The following TNIK variants were observed in gnomAD, a reference collection of about 807,000 sequenced individuals.
TNIK encodes TRAF2 and NCK-interacting protein kinase.
Under a neutral mutation model 191.3 loss-of-function variants are expected in TNIK, and 49 were observed. The ratio of observed to expected loss-of-function variants is 0.26; its 90% CI spans 0.20 to 0.32. The LOEUF (loss-of-function observed/expected upper bound fraction) is 0.32. Ranked by LOEUF, TNIK falls within the 10% of genes least tolerant of loss-of-function variation. TNIK has a pLI of 1.00. For missense variants in TNIK, 1,155 were observed against 1,702.3 expected (o/e 0.68, Z 5.66); for synonymous variants, 594 against 600.9 (o/e 0.99, Z 0.17).
intron 2 of TNIK, among the ~76,000 whole-genome samples, chr3:171,323,340 A>T (rs1351917807): frequency 3.3e-5 from 5 of 152,204 alleles, no homozygotes; most frequent in Non-Finnish European, 2.9e-5. Context: ...ACATAACCCA[A>T]CACATAGGTA....
intron 10 of TNIK, among the ~76,000 whole-genome samples, chr3:171,164,655 TATA>T (rs1262438502): frequency 2.6e-5 from 4 of 152,230 alleles, no homozygotes; most frequent in Non-Finnish European, 5.9e-5. Flanking sequence ...ATATTCACCG[TATA>T]ATAAAATGTC....
chr3:171,180,511 T>C (rs1030097016), intron 7 of TNIK, among the ~76,000 whole-genome samples: 8 of 152,238 alleles, frequency 5.3e-5, no homozygotes, highest in African/African-American at 1.7e-4. Flanking sequence ...GTCTGATGTA[T>C]CCAAAGTACC....
chr3:171,273,065 G>A (rs549130432), intron 2 of TNIK, among the ~76,000 whole-genome samples: 20 of 152,186 alleles, frequency 1.3e-4, no homozygotes, highest in South Asian at 1.2e-3. Flanking sequence ...CCAGTGTGGC[G>A]CTCACACAAG....
At chr3:171,134,078 C>A (rs1247843375) in intron 15 of TNIK, among the ~76,000 whole-genome samples, 1 of 151,938 alleles carries the variant, frequency 6.6e-6, no homozygotes, top group African/African-American at 2.4e-5. Context: ...ACAGTTATTG[C>A]CAGGCCCAGA....
intron 18 of TNIK, among the ~76,000 whole-genome samples, chr3:171,115,167 A>AAAAT (rs1389990343): frequency 1.3e-5 from 2 of 152,264 alleles, no homozygotes; most frequent in Non-Finnish European, 2.9e-5. Context: ...GTATTACAAA[A>AAAAT]AAATAAATAA....
chr3:171,371,313 C>A (rs1716459221), intron 1 of TNIK, among the ~76,000 whole-genome samples: 1 of 152,186 alleles, frequency 6.6e-6, no homozygotes, highest in Admixed American at 6.5e-5. Flanking sequence ...AAAGTCCAAT[C>A]TGTGGTAAAT....
chr3:171,200,510 A>G (rs1739273325), intron 4 of TNIK, among the ~76,000 whole-genome samples: 1 of 151,814 alleles, frequency 6.6e-6, no homozygotes, highest in African/African-American at 2.4e-5. Flanking sequence ...TGTTTCTCGT[A>G]GGATGTTTTC....
intron 9 of TNIK, among the ~76,000 whole-genome samples, chr3:171,173,637 T>C (rs1735612062): frequency 6.6e-6 from 1 of 152,164 alleles, no homozygotes; most frequent in African/African-American, 2.4e-5. Flanking sequence ...AATACACATA[T>C]TTTTAAAACA....
chr3:171,253,201 G>A (rs1048410410), intron 2 of TNIK, among the ~76,000 whole-genome samples: 3 of 150,582 alleles, frequency 2.0e-5, no homozygotes, highest in Non-Finnish European at 3.0e-5. Context: ...GGAGAATGGC[G>A]TGAACCCAGG....
At chr3:171,158,899 G>T (rs1733588624) in intron 11 of TNIK, among the ~76,000 whole-genome samples, 1 of 152,162 alleles carries the variant, frequency 6.6e-6, no homozygotes, top group Non-Finnish European at 1.5e-5. Context: ...GGAAAAGCAG[G>T]TTTAGAGGCC....
At chr3:171,354,357 A>G (rs1049547949) in intron 2 of TNIK, among the ~76,000 whole-genome samples, 1 of 152,166 alleles carries the variant, frequency 6.6e-6, no homozygotes, top group African/African-American at 2.4e-5. Flanking sequence ...TCACACTGAA[A>G]TTAGAGCACC....
intron 4 of TNIK, among the ~76,000 whole-genome samples, chr3:171,203,127 T>G (rs1024599876): frequency 2.0e-5 from 3 of 152,200 alleles, no homozygotes; most frequent in African/African-American, 7.2e-5. Flanking sequence ...TGGTTAAATT[T>G]TTAATGGCAT....
At chr3:171,104,907 AAC>A (rs1266892681) in intron 21 of TNIK, among the ~76,000 whole-genome samples, 9 of 152,104 alleles carry the variant, frequency 5.9e-5, no homozygotes, top group African/African-American at 2.2e-4. Context: ...CAGCGGTAAA[AAC>A]AGTGTTTTCT....
chr3:171,241,412 A>C lies in TNIK; in HGVS notation c.124-13191T>G, dbSNP rs566537934. 6.6e-5 allele frequency among the ~76,000 whole-genome samples: 10 copies of C among 152,280 alleles called. No homozygotes were observed. The South Asian group carries it at 2.1e-3, about 32-fold the overall frequency. ...CAGACTTTAAAACTGAGGCTCAAAA[A>C]ACCCAAGATTTTTCCAGGTTGTATT... On this transcript the variant is annotated intron_variant, in intron 2 of 32. Coordinates refer to ENST00000436636, the MANE Select transcript of TNIK (RefSeq NM_015028.4).
chr3:171,235,954 C>T (rs896184570), intron 2 of TNIK, among the ~76,000 whole-genome samples: 2 of 152,074 alleles, frequency 1.3e-5, no homozygotes, highest in Non-Finnish European at 2.9e-5. Context: ...CTTAAAATAG[C>T]CTGTGTGAAT....
Position 171,456,571 on chromosome 3 carries a change from G to A in TNIK, c.57+3436C>T, listed in dbSNP as rs553695662. On this transcript the variant is annotated intron_variant, in intron 1 of 32. Transcript: ENST00000436636. ...CTTGAGACATGCTCTGATGGACACA[G>A]GTTACTCAGAGAGGTTACCTGTGCA... Among the ~76,000 whole-genome samples, 3 of 152,286 alleles carry A rather than the reference G, an allele frequency of 2.0e-5. No homozygotes were observed. The East Asian group carries it at 5.8e-4, about 29-fold the overall frequency.
At chr3:171,258,124 T>C (rs1747118811) in intron 2 of TNIK, among the ~76,000 whole-genome samples, 1 of 152,178 alleles carries the variant, frequency 6.6e-6, no homozygotes, top group Non-Finnish European at 1.5e-5. Flanking sequence ...GAAAAGCGTA[T>C]GTGTCATCTC....
chr3:171,183,368 T>A (rs1166378688), intron 7 of TNIK, among the ~76,000 whole-genome samples: 1 of 152,198 alleles, frequency 6.6e-6, no homozygotes, highest in Non-Finnish European at 1.5e-5. Context: ...AATAGCTTAA[T>A]AATGGGCACA....
intron 9 of TNIK, among the ~76,000 whole-genome samples, chr3:171,173,625 T>C (rs1193925293): frequency 6.6e-6 from 1 of 152,156 alleles, no homozygotes; most frequent in African/African-American, 2.4e-5. Flanking sequence ...GTGTTGCCAA[T>C]TAATACACAT....
Sources: allele counts gnomAD v4.1 joint callset (sites outside exome capture counted in the v4.1 genomes callset), GRCh38; gene constraint gnomAD v4.1.1; transcripts MANE v1.5; gene names NCBI Gene and HGNC (gene_info 2026-07-23, HGNC 2026-07-21).